The following EML6 variants were observed in gnomAD, a reference collection of about 807,000 sequenced individuals.
The protein encoded by EML6 is echinoderm microtubule-associated protein-like 6.
EML6 carries 154 observed loss-of-function variants against 240.1 expected under a neutral mutation model. That is an observed-to-expected ratio of 0.64 (90% CI 0.56 to 0.73). The LOEUF (loss-of-function observed/expected upper bound fraction) is 0.73, where lower values mean the gene tolerates loss of function less well. EML6 is among the 30% of genes least tolerant of loss of function. The probability of loss-of-function intolerance (pLI) is 0.00; values close to 1 mark genes in which losing one functional copy is unlikely to be tolerated. For missense variants in EML6, 2,964 were observed against 2,474.6 expected, an observed-to-expected ratio of 1.20 and a Z score of -4.20; for synonymous variants, 1,148 against 899.0, an observed-to-expected ratio of 1.28 and a Z score of -4.95.
chr2:54,888,943 C>T (rs1672307057), intron 17 of EML6, among the ~76,000 whole-genome samples: 1 of 152,164 alleles, frequency 6.6e-6, no homozygotes, highest in South Asian at 2.1e-4. Context: ...GCCAAACTGT[C>T]TTTCAAAATA....
chr2:54,785,694 A>T (rs967403749), intron 2 of EML6, among the ~76,000 whole-genome samples: 1 of 152,168 alleles, frequency 6.6e-6, no homozygotes, highest in African/African-American at 2.4e-5. Context: ...ATACATTTGT[A>T]TAAATTTTAT....
intron 2 of EML6, among the ~76,000 whole-genome samples, chr2:54,810,018 T>C (rs1348741033): frequency 6.6e-6 from 1 of 152,150 alleles, no homozygotes; most frequent in East Asian, 1.9e-4. Context: ...GACATGGACA[T>C]AGATAAATGG....
At chr2:54,895,423 A>G (rs1485794269) in intron 21 of EML6, 23 bp downstream of exon 21, 5 of 1,550,734 alleles carry the variant, frequency 3.2e-6, no homozygotes, top group Admixed American at 2.0e-5. Context: ...TGTATTCTAA[A>G]CTGCAGTTCA....
chr2:54,954,130 C>A lies in EML6; in HGVS notation c.4460C>A (p.Thr1487Asn). The A allele has an allele frequency of 6.4e-7, 1 of 1,551,420 alleles. No homozygotes were observed. Among genetic ancestry groups the A allele is most frequent in the East Asian group, 2.4e-5 (1 of 40,896 alleles). Residue 1487 changes from threonine to asparagine, a missense_variant, in exon 32 of 42, where the codon ACC (threonine) becomes AAC (asparagine). Coordinates refer to ENST00000356458, the MANE Select transcript of EML6 (RefSeq NM_001039753.4). ...TCGGTGGGAGTGGACCCTGAGCACACCATCACTGTCTGGCGATGGCAGGAA... is the reference window on the plus strand; with the variant it reads ...TCGGTGGGAGTGGACCCTGAGCACAACATCACTGTCTGGCGATGGCAGGAA... ...LVSVGVDPEH[T>N]ITVWRWQEGA...
chr2:54,875,081 C>G (rs908093200), intron 16 of EML6, among the ~76,000 whole-genome samples: 3 of 152,136 alleles, frequency 2.0e-5, no homozygotes, highest in African/African-American at 7.2e-5. Context: ...AGTGTGCAGG[C>G]TCACTTTCTG....
chr2:54,822,692 A>T (rs962526160), intron 5 of EML6, among the ~76,000 whole-genome samples: 1 of 152,172 alleles, frequency 6.6e-6, no homozygotes, highest in African/African-American at 2.4e-5. Flanking sequence ...TTTCTTTAAA[A>T]ACATTTTTAT....
chr2:54,869,929 A>C lies in EML6; in HGVS notation c.2238+562A>C, dbSNP rs568992493. ...ACAATCATTTGGGAGTGTAAAGAGA[A>C]AAATAATCATTAACTTATTAAAGAC... On this transcript the variant is annotated intron_variant, in intron 15 of 41. Coordinates refer to ENST00000356458, the MANE Select transcript of EML6 (RefSeq NM_001039753.4). Among the ~76,000 whole-genome samples the C allele has an allele frequency of 2.0e-4, 30 of 152,340 alleles. No individual in the cohort carries two copies. In the South Asian group the frequency reaches 3.5e-3, roughly 18 times the overall value.
chr2:54,796,314 A>T (rs553224443), intron 2 of EML6, among the ~76,000 whole-genome samples: 2 of 152,202 alleles, frequency 1.3e-5, no homozygotes, highest in East Asian at 3.9e-4. Flanking sequence ...GTCTTTACTC[A>T]TTACTCTCAA....
intron 28 of EML6, among the ~76,000 whole-genome samples, chr2:54,933,945 C>G (rs1674996172): frequency 6.6e-6 from 1 of 152,056 alleles, no homozygotes; most frequent in African/African-American, 2.4e-5. Flanking sequence ...CCTAACTTGC[C>G]AAATAGTGGT....
intron 25 of EML6, among the ~76,000 whole-genome samples, chr2:54,912,166 G>T (rs1166058111): frequency 6.6e-6 from 1 of 152,130 alleles, no homozygotes; most frequent in South Asian, 2.1e-4. Context: ...GGAAGTATAT[G>T]TGTAGTACTT....
At chr2:54,950,929 C>G in intron 30 of EML6, 150 bp downstream of exon 30, 2 of 852,552 alleles carry the variant, frequency 2.3e-6, no homozygotes, top group Non-Finnish European at 3.5e-6. Flanking sequence ...GGCCTGGTAA[C>G]GCTCAGGTTC....
At chr2:54,868,840 G>A (rs894863463) in intron 14 of EML6, 1 of 212,094 alleles carries the variant, frequency 4.7e-6, no homozygotes, top group Non-Finnish European at 9.4e-6. Context: ...GCTTTCTGCA[G>A]TGGGCGGAAG....
chr2:54,810,702 G>C (rs2163597), intron 2 of EML6, among the ~76,000 whole-genome samples: 104,587 of 152,002 alleles, frequency 0.69, 36,258 homozygotes, highest in African/African-American at 0.77. Flanking sequence ...ATGGTTGGCA[G>C]CATTCACTCC....
chr2:54,871,134 A>G (rs1014762447), intron 15 of EML6, among the ~76,000 whole-genome samples: 2 of 152,182 alleles, frequency 1.3e-5, no homozygotes, highest in African/African-American at 4.8e-5. Context: ...GCGTCATGAC[A>G]ATGTACAAGT....
chr2:54,818,113 C>G (rs1255950504), intron 4 of EML6, among the ~76,000 whole-genome samples: 1 of 152,118 alleles, frequency 6.6e-6, no homozygotes, highest in Non-Finnish European at 1.5e-5. Context: ...CTGACCTGAA[C>G]TAGTATACTG....
At chr2:54,851,721 C>T (rs1328624545) in intron 10 of EML6, among the ~76,000 whole-genome samples, 2 of 152,106 alleles carry the variant, frequency 1.3e-5, no homozygotes, top group Non-Finnish European at 2.9e-5. Context: ...CTGATCTTTG[C>T]CCATTTCATT....
intron 11 of EML6, among the ~76,000 whole-genome samples, chr2:54,857,701 C>T (rs1670461701): frequency 6.6e-6 from 1 of 151,970 alleles, no homozygotes; most frequent in South Asian, 2.1e-4. Flanking sequence ...TGACTTAGAA[C>T]CTGAAGGAGA....
At chr2:54,877,407 C>G (rs1303839433) in intron 16 of EML6, among the ~76,000 whole-genome samples, 2 of 152,042 alleles carry the variant, frequency 1.3e-5, no homozygotes, top group African/African-American at 2.4e-5. Flanking sequence ...TCATTGAAAA[C>G]TTGATTAGTG....
chr2:54,952,769 G>GT lies in EML6; in HGVS notation c.4312+78dup, dbSNP rs1288392100. On this transcript the variant is annotated intron_variant, in intron 31 of 41. Transcript: ENST00000356458. ...CTGTCAGCAATTATTGGGAGAGGGAGTGGGTGGGTTGCTTACATCCATCCC... is the reference window on the plus strand; with the variant it reads ...CTGTCAGCAATTATTGGGAGAGGGAGTTGGGTGGGTTGCTTACATCCATCCC... 3.1e-6 allele frequency: 3 copies of GT among 981,542 alleles called. No individual in the cohort carries two copies. In the African/African-American group the frequency reaches 4.8e-5, roughly 16 times the overall value. 60.8% of individuals were successfully genotyped at this position (981,542 alleles called of 1,614,324 possible). A position where few individuals can be genotyped will look rare whatever the true frequency, so the allele number is the denominator to read the frequency against.
Sources: allele counts gnomAD v4.1 joint callset (sites outside exome capture counted in the v4.1 genomes callset), GRCh38; gene constraint gnomAD v4.1.1; transcripts MANE v1.5; gene names NCBI Gene and HGNC (gene_info 2026-07-23, HGNC 2026-07-21).